Variants in SPATA13 observed in about 807,000 individuals in gnomAD.
SPATA13 encodes spermatogenesis associated 13, also known as spermatogenesis-associated protein 13.
In SPATA13, 50 loss-of-function variants were observed where a neutral mutation model predicts 104.0. That is an observed-to-expected ratio of 0.48 (90% CI 0.38 to 0.61). The LOEUF (loss-of-function observed/expected upper bound fraction) is 0.61. Among genes scored for constraint, SPATA13 ranks in the 20% least tolerant of loss-of-function variants. The pLI is 0.00. For synonymous variants in SPATA13, 606 were observed against 667.5 expected (o/e 0.91, Z 1.42); for missense variants, 1,524 against 1,690.6 (o/e 0.90, Z 1.73).
At chr13:23,995,085 A>G (rs1875615463) in intron 2 of SPATA13, among the ~76,000 whole-genome samples, 1 of 152,160 alleles carries the variant, frequency 6.6e-6, no homozygotes, top group Admixed American at 6.6e-5. Context: ...CATACACAGG[A>G]CAGCCCCCAA....
intron 1 of SPATA13, among the ~76,000 whole-genome samples, chr13:24,190,582 C>T (rs1218747265): frequency 6.6e-6 from 1 of 151,156 alleles, no homozygotes; most frequent in Non-Finnish European, 1.5e-5. Flanking sequence ...TTCGAGACTT[C>T]AGTGGAGGAT....
intron 3 of SPATA13, among the ~76,000 whole-genome samples, chr13:24,061,847 C>G (rs1244206160): frequency 6.6e-6 from 1 of 150,590 alleles, no homozygotes; most frequent in African/African-American, 2.5e-5. Flanking sequence ...TTCAAATGTA[C>G]CCCAAACCTA....
At chr13:24,004,206 G>C (rs996677778) in intron 2 of SPATA13, among the ~76,000 whole-genome samples, 2 of 152,138 alleles carry the variant, frequency 1.3e-5, no homozygotes, top group African/African-American at 4.8e-5. Flanking sequence ...CATAAAGAAA[G>C]ATGAATTATT....
intron 3 of SPATA13, among the ~76,000 whole-genome samples, chr13:24,115,977 A>G (rs1180835190): frequency 6.6e-6 from 1 of 152,206 alleles, no homozygotes; most frequent in Admixed American, 6.5e-5. Context: ...GGTGAGAGCC[A>G]CAGAACCTTA....
At chr13:24,086,633 G>A (rs1476982012) in intron 3 of SPATA13, among the ~76,000 whole-genome samples, 1 of 152,178 alleles carries the variant, frequency 6.6e-6, no homozygotes, top group Non-Finnish European at 1.5e-5. Context: ...ACCCATAGCT[G>A]GGAATGCCAC....
chr13:24,210,524 C>T (rs1870954174), intron 1 of SPATA13, among the ~76,000 whole-genome samples: 1 of 152,082 alleles, frequency 6.6e-6, no homozygotes, highest in Admixed American at 6.6e-5. Context: ...ACTATCCTTT[C>T]CCCATTCTTG....
Position 24,207,283 on chromosome 13 carries a change from G to A in SPATA13, c.-111-15536G>A, listed in dbSNP as rs181649290. On this transcript the variant is annotated intron_variant, in intron 1 of 12. Coordinates refer to ENST00000382108, the MANE Select transcript of SPATA13 (RefSeq NM_001166271.3). ...TCTAATGGATGCTGGGCTTAATACCGAGGTGATAGGATGATACGTGCAGCA... is the reference window on the plus strand; with the variant it reads ...TCTAATGGATGCTGGGCTTAATACCAAGGTGATAGGATGATACGTGCAGCA... Among the ~76,000 whole-genome samples the A allele has an allele frequency of 2.6e-5, 4 of 152,298 alleles. 1 individual carries two copies. In the South Asian group the frequency reaches 6.2e-4, roughly 24 times the overall value.
intron 4 of SPATA13, among the ~76,000 whole-genome samples, chr13:24,271,126 G>A (rs1340195709): frequency 6.6e-6 from 1 of 151,648 alleles, no homozygotes; most frequent in Non-Finnish European, 1.5e-5. Flanking sequence ...TTCTAGTAAA[G>A]GGTGCTGAGG....
intron 3 of SPATA13, among the ~76,000 whole-genome samples, chr13:24,133,973 G>A (rs737529): frequency 0.45 from 68,769 of 152,010 alleles, 16,996 homozygotes; most frequent in South Asian, 0.57. Context: ...AGGGGGCTGG[G>A]TCGAGCCCCT....
At chr13:24,203,111 C>T (rs956953905) in intron 1 of SPATA13, among the ~76,000 whole-genome samples, 1 of 152,070 alleles carries the variant, frequency 6.6e-6, no homozygotes, top group Non-Finnish European at 1.5e-5. Context: ...AGCTATTCTT[C>T]CTGATGCTCT....
intron 4 of SPATA13, among the ~76,000 whole-genome samples, chr13:24,254,897 T>C (rs1013070041): frequency 2.0e-5 from 3 of 152,088 alleles, no homozygotes; most frequent in African/African-American, 4.8e-5. Context: ...TAGCTGCACA[T>C]TGGGACAGCA....
chr13:24,088,717 T>C lies in SPATA13; in HGVS notation c.-112+71016T>C, dbSNP rs918668204. Among the ~76,000 whole-genome samples the C allele has an allele frequency of 1.1e-4, 17 of 152,214 alleles. No homozygotes were observed. The highest frequency in any genetic ancestry group is 2.2e-4 in the Non-Finnish European group (15 of 68,038). Reference sequence around the variant, plus strand: ...CTCAGTGGCACTCGGGCCCTGCTTCTCACTGAGAGCTGCGTTTCCAGGGCC... The same window carrying C: ...CTCAGTGGCACTCGGGCCCTGCTTCCCACTGAGAGCTGCGTTTCCAGGGCC... On this transcript the variant is annotated intron_variant, in intron 3 of 14. Transcript: ENST00000424834. The surrounding 1 kb of genome is among the most constrained non-coding windows in gnomAD (Gnocchi z 4.3).
intron 3 of SPATA13, among the ~76,000 whole-genome samples, chr13:24,121,225 T>C (rs1385777484): frequency 6.6e-6 from 1 of 152,188 alleles, no homozygotes; most frequent in Admixed American, 6.5e-5. Context: ...CAGAGGGAGC[T>C]GTCATTTTTA....
At chr13:24,226,771 G>A (rs1173744224) in intron 2 of SPATA13, among the ~76,000 whole-genome samples, 2 of 152,218 alleles carry the variant, frequency 1.3e-5, no homozygotes, top group Non-Finnish European at 2.9e-5. Flanking sequence ...AGCCAGGACA[G>A]CCTCTGCACT....
At chr13:24,123,067 CT>C in intron 3 of SPATA13, 1 of 951,664 alleles carries the variant, frequency 1.1e-6, no homozygotes, top group Non-Finnish European at 1.7e-6. Context: ...GTCATTTCTA[CT>C]GCAATAGGAG....
At chr13:24,089,119 C>A (rs761429719) in intron 3 of SPATA13, among the ~76,000 whole-genome samples, 4 of 152,218 alleles carry the variant, frequency 2.6e-5, no homozygotes, top group Non-Finnish European at 5.9e-5. Flanking sequence ...AACCTTTTAA[C>A]TAAAAACAGT....
rs75787993 is a variant in SPATA13 at position 24,064,783 on chromosome 13, C to G, written c.-112+47082C>G. On this transcript the variant is annotated intron_variant, in intron 3 of 14. Transcript: ENST00000424834. ...TCAGCGATGAAGGTCAATACCACCACTGATGTCATGAGCATGTCATGTACC... is the reference window on the plus strand; with the variant it reads ...TCAGCGATGAAGGTCAATACCACCAGTGATGTCATGAGCATGTCATGTACC... Among the ~76,000 whole-genome samples, 549 of 152,312 alleles carry G rather than the reference C, an allele frequency of 3.6e-3. 15 individuals carry two copies. In the East Asian group the frequency reaches 0.062, roughly 17 times the overall value.
chr13:24,025,813 CTTTTT>C (rs61153723), intron 3 of SPATA13, among the ~76,000 whole-genome samples: 79,128 of 146,444 alleles, frequency 0.54, 21,168 homozygotes, highest in Middle Eastern at 0.58. Flanking sequence ...TTCTTTCTTT[CTTTTT>C]TTTTTTTTTG....
At chr13:24,301,699 C>G (rs1380167389) in intron 12 of SPATA13, among the ~76,000 whole-genome samples, 3 of 152,234 alleles carry the variant, frequency 2.0e-5, no homozygotes, top group Admixed American at 1.3e-4. Flanking sequence ...GGTTCTGAGC[C>G]AAGGCCTTCC....
Sources: allele counts gnomAD v4.1 joint callset (sites outside exome capture counted in the v4.1 genomes callset), GRCh38; gene constraint gnomAD v4.1.1; non-coding constraint Gnocchi (gnomAD v3.1); transcripts MANE v1.5; gene names NCBI Gene and HGNC (gene_info 2026-07-23, HGNC 2026-07-21).